Variants in ZNF540 observed in about 807,000 individuals in gnomAD.
ZNF540 encodes CTD-3064H18.6.
In ZNF540, 3 loss-of-function variants were observed where a neutral mutation model predicts 11.8. The ratio of observed to expected loss-of-function variants is 0.25; its 90% CI spans 0.12 to 0.65. ZNF540 has a LOEUF of 0.65. Ranked by LOEUF, ZNF540 falls within the 30% of genes least tolerant of loss-of-function variation. The pLI is 0.83. For missense variants in ZNF540, 709 were observed against 793.1 expected (o/e 0.89, Z 1.27); for synonymous variants, 247 against 259.0 (o/e 0.95, Z 0.45).
chr19:37,608,027 T>C (rs1472806408), intron 4 of ZNF540, among the ~76,000 whole-genome samples: 2 of 152,232 alleles, frequency 1.3e-5, no homozygotes, highest in African/African-American at 4.8e-5. Context: ...TGGTATCTCG[T>C]TGTTTTTAAT....
intron 1 of ZNF540, among the ~76,000 whole-genome samples, chr19:37,557,858 T>C (rs2042677075): frequency 6.6e-6 from 1 of 152,170 alleles, no homozygotes; most frequent in East Asian, 1.9e-4. Context: ...AGTTAACTTA[T>C]CAGCCTCTTG....
At chr19:37,555,914 C>T in intron 1 of ZNF540, 3 of 700,790 alleles carry the variant, frequency 4.3e-6, no homozygotes, top group Non-Finnish European at 7.8e-6. Flanking sequence ...TGGTTGATCC[C>T]CCAGAGTAGG....
At chr19:37,602,524 G>C (rs571149485) in intron 4 of ZNF540, among the ~76,000 whole-genome samples, 1 of 152,310 alleles carries the variant, frequency 6.6e-6, no homozygotes, top group East Asian at 1.9e-4. Context: ...ATGGCTCGCA[G>C]TGCATAAGAT....
intron 1 of ZNF540, among the ~76,000 whole-genome samples, chr19:37,577,725 A>G (rs1039344203): frequency 6.6e-6 from 1 of 152,190 alleles, no homozygotes; most frequent in Admixed American, 6.5e-5. Flanking sequence ...CTTTAAATTT[A>G]CTCAAATTTT....
intron 1 of ZNF540, chr19:37,586,636 G>T: frequency 6.2e-7 from 1 of 1,613,188 alleles, no homozygotes; most frequent in Non-Finnish European, 8.5e-7. Context: ...CAAAATGATT[G>T]TACTTCAAGA....
intron 1 of ZNF540, among the ~76,000 whole-genome samples, chr19:37,578,176 T>C (rs1454293975): frequency 6.6e-6 from 1 of 152,038 alleles, no homozygotes; most frequent in East Asian, 1.9e-4. Flanking sequence ...CGGCCAGAAA[T>C]ACTGTGTTCC....
chr19:37,588,606 T>G (rs2043764317), intron 1 of ZNF540, among the ~76,000 whole-genome samples: 1 of 152,202 alleles, frequency 6.6e-6, no homozygotes, highest in Admixed American at 6.5e-5. Context: ...ACCTATCAGG[T>G]ATCCTGCTCA....
At chr19:37,564,800 G>A in intron 1 of ZNF540, 3 of 1,613,854 alleles carry the variant, frequency 1.9e-6, no homozygotes, top group Non-Finnish European at 2.5e-6. Flanking sequence ...AGTAAGGTGT[G>A]AGCCACGAAT....
Position 37,598,360 on chromosome 19 carries a change from T to A in ZNF540, c.-72-16T>A. On this transcript the variant is annotated splice_polypyrimidine_tract_variant and intron_variant, in intron 1 of 4. Coordinates refer to ENST00000316433, the MANE Select transcript of ZNF540 (RefSeq NM_001172225.3). ...GACCTAGTCTCACTGTCTCATTTTT[T>A]TCTCCTCTAACTCAGGCTTCTCAGA... is the stretch of plus-strand genomic sequence containing the variant. The A allele has an allele frequency of 3.6e-6, 5 of 1,393,966 alleles. No homozygotes were observed. Among genetic ancestry groups the A allele is most frequent in the Non-Finnish European group, 5.0e-6 (5 of 994,216 alleles). 86.3% of individuals were successfully genotyped at this position (1,393,966 alleles called of 1,614,324 possible).
chr19:37,610,653 A>C (rs1471156982), intron 4 of ZNF540, among the ~76,000 whole-genome samples: 1 of 152,242 alleles, frequency 6.6e-6, no homozygotes, highest in Non-Finnish European at 1.5e-5. Flanking sequence ...GACACAATCG[A>C]GGAGCTGAAT....
chr19:37,603,429 T>C (rs541874429), intron 4 of ZNF540, among the ~76,000 whole-genome samples: 17 of 152,206 alleles, frequency 1.1e-4, no homozygotes, highest in Non-Finnish European at 2.1e-4. Flanking sequence ...ACAAGAAAAA[T>C]TTAGAGAACT....
intron 4 of ZNF540, among the ~76,000 whole-genome samples, chr19:37,603,894 A>AT (rs1387332838): frequency 1.3e-5 from 2 of 152,112 alleles, no homozygotes; most frequent in Admixed American, 6.5e-5. Flanking sequence ...TTATTTGCAG[A>AT]TTTTTTTTAG....
intron 3 of ZNF540, among the ~76,000 whole-genome samples, chr19:37,600,122 A>G (rs187461402): frequency 9.2e-5 from 14 of 152,354 alleles, no homozygotes; most frequent in African/African-American, 3.1e-4. Flanking sequence ...GCCTATAAGG[A>G]TAACAGCCCT....
At chr19:37,565,580 T>C in intron 1 of ZNF540, 1 of 1,613,632 alleles carries the variant, frequency 6.2e-7, no homozygotes, top group Non-Finnish European at 8.5e-7. Flanking sequence ...CTTCCCACAA[T>C]CCTTACATTC....
chr19:37,556,208 G>A (rs1442037163), intron 1 of ZNF540: 9 of 667,254 alleles, frequency 1.3e-5, no homozygotes, highest in Non-Finnish European at 2.2e-5. Flanking sequence ...CTTCCTTGGA[G>A]GTACTGGCCC....
chr19:37,610,010 G>C (rs1317021063), intron 4 of ZNF540, among the ~76,000 whole-genome samples: 1 of 152,148 alleles, frequency 6.6e-6, no homozygotes, highest in Non-Finnish European at 1.5e-5. Context: ...TAACTGGATA[G>C]CCATTTAAAG....
intron 4 of ZNF540, among the ~76,000 whole-genome samples, chr19:37,605,904 C>CA (rs2044081996): frequency 6.6e-6 from 1 of 152,126 alleles, no homozygotes; most frequent in East Asian, 1.9e-4. Context: ...TTTTATCCAT[C>CA]AAAATTTTTA....
intron 1 of ZNF540, among the ~76,000 whole-genome samples, chr19:37,596,414 A>C (rs2043995733): frequency 1.3e-5 from 2 of 152,180 alleles, no homozygotes; most frequent in African/African-American, 4.8e-5. Flanking sequence ...GGGATCCTCC[A>C]GCTGGCCCAC....
chr19:37,567,701 CA>C (rs2042909895), intron 1 of ZNF540: 1 of 152,194 alleles, frequency 6.6e-6, no homozygotes, highest in African/African-American at 2.4e-5. Context: ...GCTTAAATGT[CA>C]GCTGCTCAGA....
Sources: allele counts gnomAD v4.1 joint callset (sites outside exome capture counted in the v4.1 genomes callset), GRCh38; gene constraint gnomAD v4.1.1; transcripts MANE v1.5; gene names NCBI Gene and HGNC (gene_info 2026-07-23, HGNC 2026-07-21).